Variants in GABRG1 observed in about 807,000 individuals in gnomAD.
The protein encoded by GABRG1 is gamma-aminobutyric acid type A receptor subunit gamma1.
Under a neutral mutation model 49.8 loss-of-function variants are expected in GABRG1, and 49 were observed. That is an observed-to-expected ratio of 0.98 (90% CI 0.78 to 1.25). GABRG1 has a LOEUF of 1.25. Among genes scored for constraint, GABRG1 ranks in the 50% most tolerant of loss-of-function variants. The pLI, the probability that GABRG1 is intolerant of heterozygous loss-of-function variation, is 0.00. For synonymous variants in GABRG1, 232 were observed against 185.1 expected (o/e 1.25, Z -2.06); for missense variants, 552 against 552.3 (o/e 1.00, Z 0.01).
chr4:46,065,467 C>G lies in GABRG1; in HGVS notation c.439G>C (p.Asp147His), dbSNP rs748075742. ...SNMVGKIWIP[D>H]TFFRNSRKSD... ...TTTCTTGAGTTTCTGAAGAAAGTGTCAGGAATCCAAATTTTTCCAACCATA... is the reference window on the plus strand; with the variant it reads ...TTTCTTGAGTTTCTGAAGAAAGTGTGAGGAATCCAAATTTTTCCAACCATA... The change falls in exon 4 of 9, where the codon GAC (aspartate) becomes CAC (histidine). Residue 147 changes from aspartate to histidine, a missense_variant. By Grantham distance (81) the Asp-to-His change is moderately conservative. Coordinates refer to ENST00000295452, the MANE Select transcript of GABRG1 (RefSeq NM_173536.4). 1 of 1,612,258 alleles carries G rather than the reference C, an allele frequency of 6.2e-7. No homozygotes were observed. The highest frequency in any genetic ancestry group is 8.5e-7 in the Non-Finnish European group (1 of 1,178,660).
chr4:46,059,671 C>T (rs546751770), intron 5 of GABRG1, among the ~76,000 whole-genome samples: 1 of 152,192 alleles, frequency 6.6e-6, no homozygotes, highest in African/African-American at 2.4e-5. Context: ...CCTCGGCCTC[C>T]CAAAGTGCTG....
chr4:46,038,171 C>T lies in GABRG1; in HGVS notation c.*2817G>A, dbSNP rs1452205289. On this transcript the variant is annotated 3_prime_UTR_variant, in exon 9 of 9. Transcript: ENST00000295452. ...GACTTACTGGGAAATTTTTCCCTGT[C>T]CCTGCTAAATTCTCAAGTATTCTAT... 6.6e-6 allele frequency: 1 copy of T among 151,658 alleles called. No homozygotes were observed. Among genetic ancestry groups the T allele is most frequent in the Non-Finnish European group, 1.5e-5 (1 of 67,718 alleles). 9.4% of individuals were successfully genotyped at this position (151,658 alleles called of 1,614,324 possible). A position where few individuals can be genotyped will look rare whatever the true frequency, so the allele number is the denominator to read the frequency against.
intron 2 of GABRG1, among the ~76,000 whole-genome samples, chr4:46,089,348 A>C (rs1719895645): frequency 6.6e-6 from 1 of 152,094 alleles, no homozygotes; most frequent in African/African-American, 2.4e-5. Flanking sequence ...ATGTTACCCC[A>C]AAAAGAAGTA....
intron 1 of GABRG1, among the ~76,000 whole-genome samples, chr4:46,107,826 T>C (rs1194848471): frequency 2.0e-5 from 3 of 151,242 alleles, no homozygotes; most frequent in African/African-American, 7.3e-5. Flanking sequence ...ATACATATGA[T>C]TATTTTTAAA....
intron 2 of GABRG1, among the ~76,000 whole-genome samples, chr4:46,093,845 A>G (rs912295291): frequency 6.6e-6 from 1 of 151,990 alleles, no homozygotes; most frequent in Non-Finnish European, 1.5e-5. Context: ...TGGACTAAAA[A>G]TTTTTAAAGG....
intron 2 of GABRG1, among the ~76,000 whole-genome samples, chr4:46,088,853 G>A (rs892902595): frequency 7.1e-6 from 1 of 140,360 alleles, no homozygotes; most frequent in Non-Finnish European, 1.5e-5. Context: ...GTATTCCCAA[G>A]AATGTCTTCT....
At chr4:46,078,295 C>T (rs1351399994) in intron 3 of GABRG1, among the ~76,000 whole-genome samples, 2 of 152,022 alleles carry the variant, frequency 1.3e-5, no homozygotes, top group Non-Finnish European at 2.9e-5. Context: ...CAAACAAAAT[C>T]TTATTTCCAA....
chr4:46,071,923 T>C (rs751587218), intron 3 of GABRG1, among the ~76,000 whole-genome samples: 16 of 152,082 alleles, frequency 1.1e-4, no homozygotes, highest in Non-Finnish European at 2.1e-4. Flanking sequence ...GTATTCTAAG[T>C]GCACAGTGTT....
chr4:46,104,033 C>T (rs1720460192), intron 1 of GABRG1, among the ~76,000 whole-genome samples: 2 of 151,224 alleles, frequency 1.3e-5, no homozygotes, highest in African/African-American at 2.4e-5. Context: ...ATCTTCATGT[C>T]CTACTCCTTA....
At chr4:46,114,584 C>A (rs758169382) in intron 1 of GABRG1, among the ~76,000 whole-genome samples, 1 of 150,722 alleles carries the variant, frequency 6.6e-6, no homozygotes, top group Non-Finnish European at 1.5e-5. Context: ...TAATGTGATA[C>A]CTCCAGCACC....
At chr4:46,117,588 CTT>C (rs1720941132) in intron 1 of GABRG1, among the ~76,000 whole-genome samples, 1 of 141,374 alleles carries the variant, frequency 7.1e-6, no homozygotes, top group African/African-American at 2.7e-5. Context: ...CTCTGTCTCT[CTT>C]TGTCTCTCTC....
intron 5 of GABRG1, among the ~76,000 whole-genome samples, chr4:46,059,302 A>G (rs1016790763): frequency 2.0e-5 from 3 of 152,116 alleles, no homozygotes; most frequent in Non-Finnish European, 4.4e-5. Context: ...AGGATAGAGT[A>G]TGGAGTAGCT....
chr4:46,118,966 T>C (rs1000576309), intron 1 of GABRG1, among the ~76,000 whole-genome samples: 1 of 151,406 alleles, frequency 6.6e-6, no homozygotes, highest in African/African-American at 2.4e-5. Context: ...TACTTGGTTA[T>C]GGTTTGTCTA....
chr4:46,084,154 C>T lies in GABRG1; in HGVS notation c.254-101G>A, dbSNP rs1018673571. 1.4e-5 allele frequency: 9 copies of T among 638,752 alleles called. No individual in the cohort carries two copies. The East Asian group carries it at 1.4e-4, about 10-fold the overall frequency. 39.6% of individuals were successfully genotyped at this position (638,752 alleles called of 1,614,324 possible). Reference sequence around the variant, plus strand: ...ATCTTAATAACTACTTATATATTAACACTTCAATCATAAAACATCTTTTAT... The same window carrying T: ...ATCTTAATAACTACTTATATATTAATACTTCAATCATAAAACATCTTTTAT... On this transcript the variant is annotated intron_variant, in intron 2 of 8. Coordinates refer to ENST00000295452, the MANE Select transcript of GABRG1 (RefSeq NM_173536.4).
chr4:46,105,262 C>T (rs1720495189), intron 1 of GABRG1, among the ~76,000 whole-genome samples: 1 of 151,310 alleles, frequency 6.6e-6, no homozygotes, highest in Admixed American at 6.6e-5. Flanking sequence ...GTCTCTAAAA[C>T]TGACTTGCGA....
chr4:46,053,602 C>T (rs1436088501), intron 7 of GABRG1, among the ~76,000 whole-genome samples: 1 of 151,926 alleles, frequency 6.6e-6, no homozygotes, highest in African/African-American at 2.4e-5. Context: ...ACATTGTTCC[C>T]ATCGTCAGCC....
At chr4:46,104,494 T>C (rs1349713312) in intron 1 of GABRG1, among the ~76,000 whole-genome samples, 4 of 151,560 alleles carry the variant, frequency 2.6e-5, no homozygotes, top group East Asian at 3.9e-4. Flanking sequence ...TATCCTTGAA[T>C]GACACAACGT....
intron 1 of GABRG1, among the ~76,000 whole-genome samples, chr4:46,122,675 CA>C (rs1022032761): frequency 1.3e-5 from 2 of 151,940 alleles, no homozygotes; most frequent in East Asian, 1.9e-4. Flanking sequence ...GCTGGTGTGG[CA>C]AAAAAATTCA....
intron 1 of GABRG1, among the ~76,000 whole-genome samples, chr4:46,109,506 A>G (rs190508598): frequency 7.2e-4 from 108 of 150,942 alleles, no homozygotes; most frequent in Middle Eastern, 3.4e-3. Flanking sequence ...TTGTGTCTCC[A>G]TTACATTCAG....
Sources: allele counts gnomAD v4.1 joint callset (sites outside exome capture counted in the v4.1 genomes callset), GRCh38; gene constraint gnomAD v4.1.1; transcripts MANE v1.5; gene names NCBI Gene and HGNC (gene_info 2026-07-23, HGNC 2026-07-21).